The following ITFG1 variants were observed in gnomAD, a reference collection of about 807,000 sequenced individuals.
The protein encoded by ITFG1 is T-cell immunomodulatory protein.
ITFG1 carries 34 observed loss-of-function variants against 81.8 expected under a neutral mutation model. The observed-to-expected ratio is 0.42, with a 90% CI of 0.32 to 0.55. The LOEUF (loss-of-function observed/expected upper bound fraction) is 0.55, where lower values mean the gene tolerates loss of function less well. ITFG1 is among the 20% of genes least tolerant of loss of function. ITFG1 has a pLI of 0.17. For synonymous variants in ITFG1, 285 were observed against 270.6 expected, an observed-to-expected ratio of 1.05 and a Z score of -0.52; for missense variants, 672 against 755.4, an observed-to-expected ratio of 0.89 and a Z score of 1.29.
Position 47,308,718 on chromosome 16 carries a change from T to C in ITFG1, c.1070+2522A>G, listed in dbSNP as rs1157059668. 2.0e-5 allele frequency among the ~76,000 whole-genome samples: 3 copies of C among 152,202 alleles called. No homozygotes were observed. The East Asian group carries it at 5.8e-4, about 29-fold the overall frequency. Reference sequence around the variant, plus strand: ...ATTTACAGATTTACTTGCCATTTAATAGGCTTGGGATGTTCTCATGGCTGA... The same window carrying C: ...ATTTACAGATTTACTTGCCATTTAACAGGCTTGGGATGTTCTCATGGCTGA... On this transcript the variant is annotated intron_variant, in intron 10 of 17. Transcript: ENST00000320640.
chr16:47,375,608 C>T (rs1431553797), intron 7 of ITFG1, among the ~76,000 whole-genome samples: 2 of 152,174 alleles, frequency 1.3e-5, no homozygotes, highest in Non-Finnish European at 2.9e-5. Flanking sequence ...GACAGCATAG[C>T]AGGGGTCCTG....
chr16:47,279,042 T>C (rs533422955), intron 10 of ITFG1, among the ~76,000 whole-genome samples: 1 of 152,300 alleles, frequency 6.6e-6, no homozygotes, highest in African/African-American at 2.4e-5. Context: ...ACAAATCCTT[T>C]GTGAATGAGA....
intron 14 of ITFG1, among the ~76,000 whole-genome samples, chr16:47,206,007 A>G (rs887891601): frequency 7.2e-5 from 11 of 152,030 alleles, no homozygotes; most frequent in African/African-American, 2.7e-4. Flanking sequence ...CTGCGACTAC[A>G]GGCGCCCGCC....
At chr16:47,168,459 G>A (rs1228708880) in intron 14 of ITFG1, among the ~76,000 whole-genome samples, 2 of 151,754 alleles carry the variant, frequency 1.3e-5, no homozygotes, top group Admixed American at 6.6e-5. Context: ...TTGCAGCCTC[G>A]ATCTCCTGGG....
chr16:47,182,327 T>C (rs1965136769), intron 14 of ITFG1, among the ~76,000 whole-genome samples: 1 of 151,780 alleles, frequency 6.6e-6, no homozygotes, highest in South Asian at 2.1e-4. Context: ...ATATGAGATG[T>C]CTAGTAGACG....
intron 12 of ITFG1, among the ~76,000 whole-genome samples, chr16:47,251,976 A>T (rs886300696): frequency 2.0e-5 from 3 of 152,236 alleles, no homozygotes; most frequent in Non-Finnish European, 4.4e-5. Flanking sequence ...GCAAGAAGAA[A>T]ATAGAGCAAT....
intron 7 of ITFG1, among the ~76,000 whole-genome samples, chr16:47,370,254 G>C (rs1596936912): frequency 2.0e-5 from 3 of 152,194 alleles, no homozygotes; most frequent in Non-Finnish European, 2.9e-5. Context: ...CTGAAACCAA[G>C]CAGCCAGTTC....
intron 8 of ITFG1, among the ~76,000 whole-genome samples, chr16:47,319,270 A>C (rs796404026): frequency 3.9e-5 from 6 of 152,332 alleles, no homozygotes; most frequent in African/African-American, 1.4e-4. Context: ...TTGCAGATAA[A>C]AGTTTTCCAA....
At chr16:47,409,730 T>G (rs1416027376) in intron 6 of ITFG1, among the ~76,000 whole-genome samples, 1 of 151,502 alleles carries the variant, frequency 6.6e-6, no homozygotes, top group Non-Finnish European at 1.5e-5. Flanking sequence ...CAAAAAAAAT[T>G]TTAAAACTTG....
intron 10 of ITFG1, among the ~76,000 whole-genome samples, chr16:47,280,075 C>T (rs1023965897): frequency 2.6e-5 from 4 of 152,052 alleles, no homozygotes; most frequent in Non-Finnish European, 4.4e-5. Flanking sequence ...GAAGTCTGAC[C>T]TCTTTCTTTA....
chr16:47,163,942 CACACACACACAT>C (rs953629469), intron 14 of ITFG1, among the ~76,000 whole-genome samples: 2 of 149,184 alleles, frequency 1.3e-5, no homozygotes, highest in East Asian at 1.9e-4. Flanking sequence ...CACACACACA[CACACACACACAT>C]ACACACACAC....
chr16:47,186,375 A>C (rs1965216186), intron 14 of ITFG1, among the ~76,000 whole-genome samples: 1 of 152,180 alleles, frequency 6.6e-6, no homozygotes, highest in African/African-American at 2.4e-5. Flanking sequence ...AATACTGGCA[A>C]ACCGAATCCA....
At chr16:47,376,980 A>AATAAAAAAAAAAAAT (rs1259986513) in intron 6 of ITFG1, among the ~76,000 whole-genome samples, 27 of 150,076 alleles carry the variant, frequency 1.8e-4, no homozygotes, top group African/African-American at 6.7e-4. Flanking sequence ...AAAAAAAAAA[A>AATAAAAAAAAAAAAT]AAAAAAAAAA....
At chr16:47,243,637 T>C (rs1299919689) in intron 12 of ITFG1, among the ~76,000 whole-genome samples, 2 of 151,954 alleles carry the variant, frequency 1.3e-5, no homozygotes, top group Non-Finnish European at 2.9e-5. Context: ...GATATGGAGG[T>C]ATCAGAAGAA....
At chr16:47,284,678 T>C (rs1966863237) in intron 10 of ITFG1, among the ~76,000 whole-genome samples, 4 of 152,220 alleles carry the variant, frequency 2.6e-5, no homozygotes, top group Admixed American at 2.6e-4. Flanking sequence ...AATTGTTTTC[T>C]GTGCTCCTTA....
At position 47,376,964 on chromosome 16, in the gene ITFG1, C is replaced by CAAAAAAAAAAAAAAAAAA. The variant is rs1222007051; in HGVS notation, c.656-1042_656-1025dup. Among the ~76,000 whole-genome samples the CAAAAAAAAAAAAAAAAAA allele has an allele frequency of 8.3e-4, 15 of 18,074 alleles. 5 individuals are homozygous for CAAAAAAAAAAAAAAAAAA. Among genetic ancestry groups the CAAAAAAAAAAAAAAAAAA allele is most frequent in the Admixed American group, 1.7e-3 (2 of 1,180 alleles). 11.9% of individuals were successfully genotyped at this position (18,074 alleles called of 152,430 possible). Reference sequence around the variant, plus strand: ...GAGACAGAGGGAGACTCTGTCTCCCCAAAAAAAAAAAAAAAAAAAAAAAAA... The same window carrying CAAAAAAAAAAAAAAAAAA: ...GAGACAGAGGGAGACTCTGTCTCCCCAAAAAAAAAAAAAAAAAAAAAAAAAAAAAAAAAAAAAAAAAAA... On this transcript the variant is annotated intron_variant, in intron 6 of 17. Coordinates refer to ENST00000320640, the MANE Select transcript of ITFG1 (RefSeq NM_030790.5).
chr16:47,164,198 G>A (rs577103926), intron 14 of ITFG1, among the ~76,000 whole-genome samples: 1 of 146,392 alleles, frequency 6.8e-6, no homozygotes, highest in Non-Finnish European at 1.5e-5. Flanking sequence ...TTTTTTTCAT[G>A]TAGTGAATTC....
intron 8 of ITFG1, among the ~76,000 whole-genome samples, chr16:47,335,476 T>G (rs1967692818): frequency 6.6e-6 from 1 of 152,172 alleles, no homozygotes; most frequent in Admixed American, 6.5e-5. Context: ...TTGCAAATCA[T>G]GTATCTTATA....
Position 47,378,339 on chromosome 16 carries a change from G to T in ITFG1, c.656-2399C>A, listed in dbSNP as rs1416317616. Among the ~76,000 whole-genome samples the T allele has an allele frequency of 2.6e-5, 4 of 152,338 alleles. No homozygotes were observed. In the East Asian group the frequency reaches 7.7e-4, roughly 29 times the overall value. On this transcript the variant is annotated intron_variant, in intron 6 of 17. Coordinates refer to ENST00000320640, the MANE Select transcript of ITFG1 (RefSeq NM_030790.5). ...AAAGGTCTGGTGTCTTGATAAGGCAGTTAGCGTCATGGGATTAGAAGAATG... is the reference window on the plus strand; with the variant it reads ...AAAGGTCTGGTGTCTTGATAAGGCATTTAGCGTCATGGGATTAGAAGAATG...
Sources: allele counts gnomAD v4.1 joint callset (sites outside exome capture counted in the v4.1 genomes callset), GRCh38; gene constraint gnomAD v4.1.1; transcripts MANE v1.5; gene names NCBI Gene and HGNC (gene_info 2026-07-23, HGNC 2026-07-21).